GCH1: variants seen among roughly 807,000 people sequenced by gnomAD.
GCH1 encodes the protein GTP cyclohydrolase I.
GCH1 carries 5 observed loss-of-function variants against 25.9 expected under a neutral mutation model. The observed-to-expected ratio is 0.19, with a 90% CI of 0.10 to 0.41. The LOEUF (loss-of-function observed/expected upper bound fraction) is 0.41. GCH1 is among the 10% of genes least tolerant of loss of function. GCH1 has a pLI of 1.00. For synonymous variants in GCH1, 159 were observed against 129.6 expected, an observed-to-expected ratio of 1.23 and a Z score of -1.54; for missense variants, 261 against 336.5, an observed-to-expected ratio of 0.78 and a Z score of 1.75.
At chr14:54,848,841 G>T (rs999037662) in intron 3 of GCH1, among the ~76,000 whole-genome samples, 1 of 152,086 alleles carries the variant, frequency 6.6e-6, no homozygotes, top group Non-Finnish European at 1.5e-5. Context: ...GAAAGGAATG[G>T]TTTTTAAGCT....
rs551410531 is a variant in GCH1, at chr14:54,868,095, C to A, written c.344-2659G>T. 2.0e-5 allele frequency among the ~76,000 whole-genome samples: 3 copies of A among 152,142 alleles called. 1 individual carries two copies. The East Asian group carries it at 5.8e-4, about 29-fold the overall frequency. On this transcript the variant is annotated intron_variant, in intron 1 of 5. Coordinates refer to ENST00000491895, the MANE Select transcript of GCH1 (RefSeq NM_000161.3). ...CCTAATCATCAGACAAATCTAGGGA[C>A]ACAAAATATCTAAACAAGTACTCTT...
At chr14:54,873,257 C>T (rs931605362) in intron 1 of GCH1, among the ~76,000 whole-genome samples, 16 of 152,054 alleles carry the variant, frequency 1.1e-4, no homozygotes, top group Non-Finnish European at 2.1e-4. Flanking sequence ...GGGTACATAA[C>T]GAAATGAAGG....
chr14:54,889,370 T>A (rs1017469931), intron 1 of GCH1, among the ~76,000 whole-genome samples: 1 of 152,250 alleles, frequency 6.6e-6, no homozygotes, highest in Admixed American at 6.5e-5. Flanking sequence ...TATTTTAAGC[T>A]ATTTTAGTGA....
At chr14:54,885,585 C>T in intron 1 of GCH1, 2 of 391,270 alleles carry the variant, frequency 5.1e-6, no homozygotes, top group Non-Finnish European at 9.9e-6. Context: ...ATGTCATCTG[C>T]CACCAGGAAG....
At chr14:54,858,630 G>T (rs926430834) in intron 3 of GCH1, among the ~76,000 whole-genome samples, 24 of 150,764 alleles carry the variant, frequency 1.6e-4, no homozygotes, top group Non-Finnish European at 3.4e-4. Flanking sequence ...ATAACCTCAA[G>T]TTATTCAAAC....
At chr14:54,896,476 TA>T (rs60583038) in intron 1 of GCH1, among the ~76,000 whole-genome samples, 3,506 of 146,670 alleles carry the variant, frequency 0.024, 59 homozygotes, top group South Asian at 0.054. Flanking sequence ...TATATCTCTT[TA>T]AAAAAAAAAA....
At chr14:54,892,984 C>T (rs1323214222) in intron 1 of GCH1, among the ~76,000 whole-genome samples, 1 of 152,098 alleles carries the variant, frequency 6.6e-6, no homozygotes, top group Non-Finnish European at 1.5e-5. Context: ...GAGGCCGAGG[C>T]AGGGTAATTG....
rs763168809 is a variant in GCH1, at chr14:54,902,454, G to C, written c.210C>G (p.Asn70Lys). 1 of 1,612,754 alleles carries C rather than the reference G, an allele frequency of 6.2e-7. No homozygotes were observed. The highest frequency in any genetic ancestry group is 1.1e-5 in the South Asian group (1 of 91,010). The change falls in exon 1 of 6, where the codon AAC becomes AAG. Residue 70 changes from asparagine (N) to lysine (K), a missense_variant. By Grantham distance (94) the Asn-to-Lys change is moderately conservative. This residue lies in a region of GCH1 where 125 missense variants were observed against 128.7 expected (regional missense o/e 0.97). Coordinates refer to ENST00000491895, the MANE Select transcript of GCH1 (RefSeq NM_000161.3). ...SEEDNELNLP[N>K]LAAAYSSILS... is the part of the protein sequence containing the mutation. The stretch of plus-strand genomic sequence containing the variant: ...GGATGGACGAGTAGGCGGCTGCCAG[G>C]TTAGGGAGGTTCAGCTCGTTATCCT...
At chr14:54,876,593 G>C (rs946723465) in intron 1 of GCH1, among the ~76,000 whole-genome samples, 11 of 152,234 alleles carry the variant, frequency 7.2e-5, no homozygotes, top group African/African-American at 2.6e-4. Context: ...CAGGATAGGA[G>C]TTTGAGGCTG....
Position 54,843,066 on chromosome 14 carries a change from G to A in GCH1, c.*951C>T. The A allele has an allele frequency of 8.6e-7, 1 of 1,166,088 alleles. No homozygotes were observed. Among genetic ancestry groups the A allele is most frequent in the Non-Finnish European group, 1.3e-6 (1 of 773,088 alleles). 72.2% of individuals were successfully genotyped at this position (1,166,088 alleles called of 1,614,324 possible). ...ATGGTTCTGCAGACCTGAAAATGAT[G>A]GGCACTCTCAAATGTTTCTGGAAAT... On this transcript the variant is annotated 3_prime_UTR_variant, in exon 6 of 6. Coordinates refer to ENST00000491895, the MANE Select transcript of GCH1 (RefSeq NM_000161.3).
At chr14:54,851,467 T>C (rs564042984) in intron 3 of GCH1, among the ~76,000 whole-genome samples, 1 of 152,354 alleles carries the variant, frequency 6.6e-6, no homozygotes, top group East Asian at 1.9e-4. Flanking sequence ...TTTTATGATC[T>C]ACCCATCTGA....
chr14:54,857,110 A>G (rs2039823746), intron 3 of GCH1, among the ~76,000 whole-genome samples: 3 of 152,158 alleles, frequency 2.0e-5, no homozygotes, highest in African/African-American at 4.8e-5. Context: ...TTTCTATTTA[A>G]TAGACTCTTT....
chr14:54,875,274 A>G (rs2040141414), intron 1 of GCH1, among the ~76,000 whole-genome samples: 1 of 152,234 alleles, frequency 6.6e-6, no homozygotes, highest in East Asian at 1.9e-4. Flanking sequence ...AGCCATATGT[A>G]GAAAGCTGAA....
intron 1 of GCH1, among the ~76,000 whole-genome samples, chr14:54,869,365 T>C (rs966205953): frequency 6.6e-6 from 1 of 151,298 alleles, no homozygotes; most frequent in African/African-American, 2.4e-5. Context: ...ATGTTGATAA[T>C]TGTACCATGG....
intron 1 of GCH1, among the ~76,000 whole-genome samples, chr14:54,880,885 T>C (rs2040261994): frequency 6.8e-6 from 1 of 146,250 alleles, no homozygotes; most frequent in African/African-American, 2.5e-5. Context: ...AGTGTAATGC[T>C]GCAATCTCGG....
chr14:54,864,560 G>A (rs1436634778), intron 2 of GCH1, among the ~76,000 whole-genome samples: 3 of 152,120 alleles, frequency 2.0e-5, no homozygotes, highest in African/African-American at 7.2e-5. Flanking sequence ...GGAATCCAAT[G>A]GAGAGTCACA....
chr14:54,875,537 A>T (rs1160215123), intron 1 of GCH1, among the ~76,000 whole-genome samples: 1 of 152,198 alleles, frequency 6.6e-6, no homozygotes, highest in Non-Finnish European at 1.5e-5. Context: ...TGAACAGGCA[A>T]CCTACAGAAT....
chr14:54,848,312 T>C (rs1469122161), intron 3 of GCH1, among the ~76,000 whole-genome samples: 1 of 152,082 alleles, frequency 6.6e-6, no homozygotes, highest in Non-Finnish European at 1.5e-5. Flanking sequence ...AATTTTTGTA[T>C]TTTTAGTAGA....
intron 5 of GCH1, among the ~76,000 whole-genome samples, chr14:54,845,103 G>A (rs576206240): frequency 1.2e-4 from 19 of 152,104 alleles, no homozygotes; most frequent in African/African-American, 3.6e-4. Context: ...AACCTGGGAG[G>A]CAGAGGTTGC....
Sources: gnomAD v4.1 joint callset for allele counts (sites outside exome capture counted in the v4.1 genomes callset) on GRCh38, gnomAD v4.1.1 for gene constraint, gnomAD v4.1.1 regional missense constraint, MANE v1.5 for transcripts, NCBI Gene and HGNC (gene_info 2026-07-23, HGNC 2026-07-21) for gene names.